DCC: variants seen among roughly 807,000 people sequenced by gnomAD.
The protein encoded by DCC is netrin receptor DCC.
In DCC, 58 loss-of-function variants were observed where a neutral mutation model predicts 172.5. The observed-to-expected ratio is 0.34, with a 90% CI of 0.27 to 0.42. DCC has a LOEUF of 0.42. Ranked by LOEUF, DCC falls within the 10% of genes least tolerant of loss-of-function variation. DCC has a pLI of 1.00. For missense variants in DCC, 1,740 were observed against 1,791.0 expected (o/e 0.97, Z 0.51); for synonymous variants, 709 against 644.5 (o/e 1.10, Z -1.52).
chr18:53,516,127 G>C (rs943155144), intron 27 of DCC, among the ~76,000 whole-genome samples: 8 of 150,214 alleles, frequency 5.3e-5, no homozygotes, highest in Admixed American at 6.6e-5. Flanking sequence ...ACAGAACAGA[G>C]CCCTCAGAAA....
Position 53,305,667 on chromosome 18 carries a change from C to G in DCC, c.2001C>G (p.Arg667=), listed in dbSNP as rs757562273. The change falls in exon 13 of 29, where the codon CGC becomes CGG. Residue 667 remains arginine (R), a synonymous_variant. Coordinates refer to ENST00000442544, the MANE Select transcript of DCC (RefSeq NM_005215.4). Reference sequence around the variant, plus strand: ...AAATTCGACACAGAAAGACGACCCGCAGGGGTGAGATGGAAACACTGGAGC... The same window carrying G: ...AAATTCGACACAGAAAGACGACCCGGAGGGGTGAGATGGAAACACTGGAGC... ...GYKIRHRKTT[R]RGEMETLEPN... The G allele has an allele frequency of 4.3e-6, 7 of 1,614,010 alleles. 1 individual carries two copies. In the South Asian group the frequency reaches 7.7e-5, roughly 18 times the overall value.
chr18:52,864,223 C>A (rs554251655), intron 2 of DCC, among the ~76,000 whole-genome samples: 1 of 152,202 alleles, frequency 6.6e-6, no homozygotes, highest in South Asian at 2.1e-4. Context: ...ATGTTCAAAG[C>A]CTTTACTAAA....
intron 5 of DCC, among the ~76,000 whole-genome samples, chr18:53,029,379 A>G (rs1261680374): frequency 2.0e-5 from 3 of 152,238 alleles, no homozygotes; most frequent in Non-Finnish European, 4.4e-5. Context: ...GCAATGGCAT[A>G]CAATAAATGT....
chr18:53,300,520 T>C (rs573687221), intron 12 of DCC, among the ~76,000 whole-genome samples: 1 of 152,162 alleles, frequency 6.6e-6, no homozygotes, highest in Non-Finnish European at 1.5e-5. Flanking sequence ...TCTGCCTTAT[T>C]TCTCGCATTA....
intron 2 of DCC, among the ~76,000 whole-genome samples, chr18:52,837,702 C>T (rs2038730903): frequency 1.3e-5 from 2 of 152,214 alleles, no homozygotes; most frequent in Non-Finnish European, 1.5e-5. Context: ...ATCTCTGCCT[C>T]TTACCCAGTT....
At chr18:52,761,926 GA>G (rs1198775414) in intron 2 of DCC, among the ~76,000 whole-genome samples, 47 of 87,848 alleles carry the variant, frequency 5.4e-4, no homozygotes, top group Non-Finnish European at 8.0e-4. Flanking sequence ...AAAAAAAAAA[GA>G]AAAAAAAAAA....
intron 1 of DCC, among the ~76,000 whole-genome samples, chr18:52,560,294 T>C (rs2033007092): frequency 6.6e-6 from 1 of 152,204 alleles, no homozygotes; most frequent in Non-Finnish European, 1.5e-5. Context: ...GACACTGAAA[T>C]CTGGATTGTA....
At chr18:53,035,872 C>T (rs144248389) in intron 5 of DCC, among the ~76,000 whole-genome samples, 19 of 149,412 alleles carry the variant, frequency 1.3e-4, no homozygotes, top group African/African-American at 4.7e-4. Flanking sequence ...CACTTCCATA[C>T]ATATTTGCAT....
chr18:53,044,270 G>A (rs1241257120), intron 5 of DCC, among the ~76,000 whole-genome samples: 1 of 151,456 alleles, frequency 6.6e-6, no homozygotes, highest in Non-Finnish European at 1.5e-5. Context: ...TTTTGGTTTG[G>A]AAAAAAGAGA....
intron 7 of DCC, among the ~76,000 whole-genome samples, chr18:53,098,953 A>G (rs908072669): frequency 6.6e-6 from 1 of 152,114 alleles, no homozygotes; most frequent in African/African-American, 2.4e-5. Context: ...TCAAGGCTGC[A>G]GTTAGCTGTG....
rs181360533 is a variant in DCC, at chr18:53,527,828, C to T, written c.4254+1069C>T. Among the ~76,000 whole-genome samples, 1,422 of 151,956 alleles carry T rather than the reference C, an allele frequency of 9.4e-3. 14 individuals carry two copies. The highest frequency in any genetic ancestry group is 0.016 in the Non-Finnish European group (1,076 of 67,960). On this transcript the variant is annotated intron_variant, in intron 28 of 28. Transcript: ENST00000442544. The stretch of plus-strand genomic sequence containing the variant: ...TCAAGAGAAAACATTTAAAAGAAGC[C>T]TAAGGAATTAACATATCAGATATCT...
At position 53,532,271 on chromosome 18, in the gene DCC, A is replaced by C. The variant is rs1214606321; in HGVS notation, c.*1618A>C. The C allele has an allele frequency of 6.6e-6, 1 of 152,224 alleles. No homozygotes were observed. The highest frequency in any genetic ancestry group is 1.9e-4 in the East Asian group (1 of 5,188). The allele number at this position is 152,224 out of a possible 1,614,324, so 9.4% of individuals were successfully genotyped here. A position where few individuals can be genotyped will look rare whatever the true frequency, so the allele number is the denominator to read the frequency against. On this transcript the variant is annotated 3_prime_UTR_variant, in exon 29 of 29. Transcript: ENST00000442544. ...GTAATTATATATGAATCCCTGAATA[A>C]AATATTTTGAGCAAAATGGCACTGT...
intron 5 of DCC, among the ~76,000 whole-genome samples, chr18:52,927,791 AAG>A (rs1287242036): frequency 6.6e-6 from 1 of 152,106 alleles, no homozygotes; most frequent in African/African-American, 2.4e-5. Context: ...AGAAAAGAGA[AAG>A]AGAATGTTTA....
chr18:52,417,837 G>C (rs1987097114), intron 1 of DCC, among the ~76,000 whole-genome samples: 1 of 152,070 alleles, frequency 6.6e-6, no homozygotes, highest in Admixed American at 6.6e-5. Flanking sequence ...GTAGCTCGGA[G>C]TAGTTTGATC....
At chr18:53,173,225 C>A (rs2055039737) in intron 8 of DCC, among the ~76,000 whole-genome samples, 1 of 152,084 alleles carries the variant, frequency 6.6e-6, no homozygotes, top group African/African-American at 2.4e-5. Flanking sequence ...GCCTTACCTA[C>A]TTTAGATTAC....
chr18:53,146,101 A>C (rs1441925053), intron 7 of DCC, among the ~76,000 whole-genome samples: 1 of 152,044 alleles, frequency 6.6e-6, no homozygotes, highest in Non-Finnish European at 1.5e-5. Flanking sequence ...GCATGGTGGC[A>C]CACACCTGTA....
chr18:53,213,112 C>A (rs1207044087), intron 11 of DCC, among the ~76,000 whole-genome samples: 3 of 152,116 alleles, frequency 2.0e-5, no homozygotes, highest in African/African-American at 7.2e-5. Context: ...CACTTGTAAA[C>A]TCAAATGAAA....
intron 24 of DCC, among the ~76,000 whole-genome samples, chr18:53,463,992 C>T (rs576460922): frequency 3.3e-5 from 5 of 152,300 alleles, no homozygotes; most frequent in African/African-American, 9.6e-5. Flanking sequence ...ACTGCTTAAA[C>T]AAAACCTACT....
intron 1 of DCC, among the ~76,000 whole-genome samples, chr18:52,541,487 C>T (rs894151832): frequency 6.6e-6 from 1 of 152,156 alleles, no homozygotes; most frequent in African/African-American, 2.4e-5. Context: ...CTAAATTCTA[C>T]TCCCAGGTCC....
Sources: allele counts gnomAD v4.1 joint callset (sites outside exome capture counted in the v4.1 genomes callset), GRCh38; gene constraint gnomAD v4.1.1; transcripts MANE v1.5; gene names NCBI Gene and HGNC (gene_info 2026-07-23, HGNC 2026-07-21).